Variants in PPARGC1A observed in about 807,000 individuals in gnomAD.
The protein encoded by PPARGC1A is PPARG coactivator 1 alpha, also known as peroxisome proliferator-activated receptor gamma coactivator 1-alpha.
A neutral mutation model predicts 88.7 loss-of-function variants in PPARGC1A; 25 were observed. The observed-to-expected ratio is 0.28, with a 90% CI of 0.21 to 0.39. The LOEUF is 0.39. PPARGC1A is among the 10% of genes least tolerant of loss of function. The pLI, the probability that PPARGC1A is intolerant of heterozygous loss-of-function variation, is 1.00. For synonymous variants in PPARGC1A, 363 were observed against 355.6 expected (o/e 1.02, Z -0.24); for missense variants, 880 against 968.7 (o/e 0.91, Z 1.22).
chr4:24,430,512 C>T, the PPARGC1A span, among the ~76,000 whole-genome samples: 521 of 152,064 alleles, frequency 3.4e-3, 4 homozygotes, highest in African/African-American at 0.011. Flanking sequence ...CCCCCTGCCT[C>T]GGCCTCCCAA....
the PPARGC1A span, among the ~76,000 whole-genome samples, chr4:24,084,795 CA>C: frequency 6.6e-6 from 1 of 152,068 alleles, no homozygotes; most frequent in African/African-American, 2.4e-5. Flanking sequence ...AAGGCAATAA[CA>C]AAAAATTACA....
chr4:24,165,707 A>G, the PPARGC1A span, among the ~76,000 whole-genome samples: 8 of 152,068 alleles, frequency 5.3e-5, no homozygotes, highest in African/African-American at 1.9e-4. Context: ...TTACTATTGT[A>G]TTTGTATTAG....
chr4:24,140,543 C>T, the PPARGC1A span, among the ~76,000 whole-genome samples: 2 of 152,330 alleles, frequency 1.3e-5, no homozygotes, highest in East Asian at 3.9e-4. Context: ...CTGCCCTCAA[C>T]TTAGACACCA....
the PPARGC1A span, among the ~76,000 whole-genome samples, chr4:23,964,144 G>A: frequency 6.6e-6 from 1 of 152,124 alleles, no homozygotes; most frequent in African/African-American, 2.4e-5. Context: ...GCCTAAGCTG[G>A]GAACTGTTCT....
At chr4:23,959,543 G>A in the PPARGC1A span, among the ~76,000 whole-genome samples, 1 of 151,984 alleles carries the variant, frequency 6.6e-6, no homozygotes, top group African/African-American at 2.4e-5. Context: ...TCTTCAGTAG[G>A]GGCATACCAG....
the PPARGC1A span, among the ~76,000 whole-genome samples, chr4:24,103,004 C>T: frequency 1.3e-5 from 2 of 152,078 alleles, no homozygotes; most frequent in Non-Finnish European, 2.9e-5. Context: ...AATCATGCCA[C>T]CTTGCCAGAA....
chr4:24,216,206 A>G, the PPARGC1A span, among the ~76,000 whole-genome samples: 1 of 138,448 alleles, frequency 7.2e-6, no homozygotes, highest in Non-Finnish European at 1.5e-5. Context: ...GGAGTGCAAT[A>G]GTGTCATCTC....
At chr4:24,170,082 G>A in the PPARGC1A span, among the ~76,000 whole-genome samples, 1 of 152,162 alleles carries the variant, frequency 6.6e-6, no homozygotes, top group African/African-American at 2.4e-5. Flanking sequence ...ACTGGCAAAA[G>A]AGCAGAGGCA....
the PPARGC1A span, among the ~76,000 whole-genome samples, chr4:24,189,779 C>T: frequency 1.1e-4 from 16 of 152,132 alleles, no homozygotes; most frequent in Admixed American, 2.0e-4. Flanking sequence ...TGGATTAAGT[C>T]GTGGATAGCC....
the PPARGC1A span, among the ~76,000 whole-genome samples, chr4:24,376,212 T>C: frequency 6.6e-6 from 1 of 152,172 alleles, no homozygotes; most frequent in Non-Finnish European, 1.5e-5. Flanking sequence ...CATAAGCATA[T>C]ACGGTTCCCA....
chr4:24,003,212 A>T, the PPARGC1A span, among the ~76,000 whole-genome samples: 1 of 152,196 alleles, frequency 6.6e-6, no homozygotes, highest in Non-Finnish European at 1.5e-5. Context: ...TCTAGAACAC[A>T]CATCCTCTAA....
At chr4:24,247,136 T>C in the PPARGC1A span, among the ~76,000 whole-genome samples, 2 of 152,106 alleles carry the variant, frequency 1.3e-5, no homozygotes, top group South Asian at 4.1e-4. Flanking sequence ...AAATAAACTA[T>C]TATCAAAAAT....
the PPARGC1A span, among the ~76,000 whole-genome samples, chr4:24,183,819 T>A: frequency 6.6e-6 from 1 of 152,308 alleles, no homozygotes; most frequent in Non-Finnish European, 1.5e-5. Context: ...AAATTTTTTT[T>A]AATAAAATGT....
chr4:24,009,150 A>AAAAAAAAAAAAAAAAAG, the PPARGC1A span, among the ~76,000 whole-genome samples: 21 of 79,804 alleles, frequency 2.6e-4, 1 homozygote, highest in African/African-American at 1.2e-3. Flanking sequence ...AAAAAAAAAA[A>AAAAAAAAAAAAAAAAAG]AGAGAGAGAA....
the PPARGC1A span, among the ~76,000 whole-genome samples, chr4:24,290,526 A>G: frequency 2.0e-5 from 3 of 152,208 alleles, no homozygotes; most frequent in African/African-American, 7.2e-5. Flanking sequence ...AAAGAAATAA[A>G]TAACATAAAT....
chr4:24,019,368 C>T, the PPARGC1A span, among the ~76,000 whole-genome samples: 1 of 152,270 alleles, frequency 6.6e-6, no homozygotes, highest in Admixed American at 6.5e-5. Flanking sequence ...AAACTAACTC[C>T]AGTTTTACAG....
the PPARGC1A span, among the ~76,000 whole-genome samples, chr4:24,019,011 AACAAT>A: frequency 6.6e-6 from 1 of 152,318 alleles, no homozygotes; most frequent in East Asian, 1.9e-4. Context: ...TATTTGAACA[AACAAT>A]AGAATGATAC....
At chr4:24,260,656 G>A in the PPARGC1A span, among the ~76,000 whole-genome samples, 1 of 151,880 alleles carries the variant, frequency 6.6e-6, no homozygotes. Context: ...ATAGCTTTGT[G>A]GGGCTGCTGT....
At chr4:23,921,501 T>G in the PPARGC1A span, among the ~76,000 whole-genome samples, 1 of 152,216 alleles carries the variant, frequency 6.6e-6, no homozygotes. Flanking sequence ...ACAGCAGACA[T>G]CAGGGTGCCA....
Sources: gnomAD v4.1 joint callset for allele counts (sites outside exome capture counted in the v4.1 genomes callset) on GRCh38, gnomAD v4.1.1 for gene constraint, MANE v1.5 for transcripts, NCBI Gene and HGNC (gene_info 2026-07-23, HGNC 2026-07-21) for gene names.